CAB39: variants seen among roughly 807,000 people sequenced by gnomAD.
CAB39 encodes calcium binding protein 39, also known as calcium-binding protein 39.
A neutral mutation model predicts 40.0 loss-of-function variants in CAB39; 8 were observed. That is an observed-to-expected ratio of 0.20 (90% CI 0.12 to 0.36). The LOEUF (loss-of-function observed/expected upper bound fraction) is 0.36, where lower values mean the gene tolerates loss of function less well. Ranked by LOEUF, CAB39 falls within the 10% of genes least tolerant of loss-of-function variation. The probability of loss-of-function intolerance (pLI) is 1.00; values close to 1 mark genes in which losing one functional copy is unlikely to be tolerated. For synonymous variants in CAB39, 156 were observed against 141.6 expected, an observed-to-expected ratio of 1.10 and a Z score of -0.72; for missense variants, 270 against 401.1, an observed-to-expected ratio of 0.67 and a Z score of 2.79.
chr2:230,778,207 A>G (rs1236034984), intron 2 of CAB39, among the ~76,000 whole-genome samples: 1 of 152,230 alleles, frequency 6.6e-6, no homozygotes, highest in Non-Finnish European at 1.5e-5. Context: ...GGGACAGTGA[A>G]GAGGGCAGCC....
intron 1 of CAB39, among the ~76,000 whole-genome samples, chr2:230,726,170 A>T (rs1188626213): frequency 6.8e-6 from 1 of 148,148 alleles, no homozygotes; most frequent in Non-Finnish European, 1.5e-5. Context: ...AATTTAATTA[A>T]TTTTTTTTTT....
intron 1 of CAB39, among the ~76,000 whole-genome samples, chr2:230,754,350 T>G (rs56100781): frequency 1.8e-3 from 225 of 124,930 alleles, no homozygotes; most frequent in African/African-American, 4.8e-3. Context: ...CTCTTCTTCC[T>G]TCCTCTTCTT....
intron 1 of CAB39, among the ~76,000 whole-genome samples, chr2:230,736,363 G>A (rs558317003): frequency 2.4e-4 from 36 of 152,262 alleles, no homozygotes; most frequent in African/African-American, 8.2e-4. Context: ...TTAGGGATAT[G>A]TTTCCTTCTC....
At position 230,799,246 on chromosome 2, in the gene CAB39, A is replaced by G. The variant is rs558888755; in HGVS notation, c.567+349A>G. The G allele has an allele frequency of 1.7e-3, 309 of 182,174 alleles. 1 individual carries two copies. The highest frequency in any genetic ancestry group is 6.6e-3 in the African/African-American group (284 of 42,904). The allele number at this position is 182,174 out of a possible 1,614,324, so 11.3% of individuals were successfully genotyped here. A position where few individuals can be genotyped will look rare whatever the true frequency, so the allele number is the denominator to read the frequency against. ...AGCAGTTTCTTTGGTTAAGCACCAG[A>G]TGAAGTAGTTGGCTTCTGTTCAGGT... On this transcript the variant is annotated intron_variant, in intron 5 of 8. Transcript: ENST00000258418.
chr2:230,793,096 G>C, intron 3 of CAB39, 117 bp from the exon 4 acceptor site: 1 of 616,018 alleles, frequency 1.6e-6, no homozygotes, highest in Non-Finnish European at 3.0e-6. Context: ...ATGTGTTAAA[G>C]TCAGATATTC....
chr2:230,811,779 C>T (rs1696310446), intron 6 of CAB39, among the ~76,000 whole-genome samples: 1 of 152,248 alleles, frequency 6.6e-6, no homozygotes, highest in Non-Finnish European at 1.5e-5. Flanking sequence ...GTTCATTTAT[C>T]ATCACCACAA....
intron 4 of CAB39, 45 bp from the exon 5 acceptor site, chr2:230,798,684 A>G (rs772304687): frequency 6.5e-7 from 1 of 1,533,002 alleles, no homozygotes; most frequent in Non-Finnish European, 8.8e-7. Context: ...AGTTTTGAAA[A>G]AGCAATCATG....
Position 230,765,794 on chromosome 2 carries a change from G to T in CAB39, c.114+5679G>T, listed in dbSNP as rs1242200184. On this transcript the variant is annotated intron_variant, in intron 2 of 8. Coordinates refer to ENST00000258418, the MANE Select transcript of CAB39 (RefSeq NM_016289.4). ...GATGCTGTTAAACAGGGAATGAATAGCTCCCCACAACAAAGGGTTATCTAG... is the reference window on the plus strand; with the variant it reads ...GATGCTGTTAAACAGGGAATGAATATCTCCCCACAACAAAGGGTTATCTAG... Among the ~76,000 whole-genome samples the T allele has an allele frequency of 2.6e-5, 4 of 152,172 alleles. No homozygotes were observed. In the East Asian group the frequency reaches 7.7e-4, roughly 29 times the overall value.
At chr2:230,765,722 A>AATG (rs1695374258) in intron 2 of CAB39, among the ~76,000 whole-genome samples, 1 of 152,102 alleles carries the variant, frequency 6.6e-6, no homozygotes, top group Non-Finnish European at 1.5e-5. Context: ...TACAGGTTGT[A>AATG]ACACTAGGGG....
chr2:230,775,755 G>T (rs1285620302), intron 2 of CAB39, among the ~76,000 whole-genome samples: 1 of 152,098 alleles, frequency 6.6e-6, no homozygotes, highest in East Asian at 1.9e-4. Flanking sequence ...ATTATCTCTT[G>T]CAAGAGATCC....
At chr2:230,757,474 AATG>A (rs946960111) in intron 1 of CAB39, among the ~76,000 whole-genome samples, 8 of 152,174 alleles carry the variant, frequency 5.3e-5, no homozygotes, top group Admixed American at 5.2e-4. Context: ...AATTAACAGA[AATG>A]ATTATGTCAT....
chr2:230,766,924 A>AT (rs1223143573), intron 2 of CAB39, among the ~76,000 whole-genome samples: 24 of 152,348 alleles, frequency 1.6e-4, no homozygotes, highest in Admixed American at 4.6e-4. Context: ...AAAGTAGCTC[A>AT]TTCACTATAG....
At chr2:230,767,877 T>G (rs1695415355) in intron 2 of CAB39, among the ~76,000 whole-genome samples, 2 of 152,306 alleles carry the variant, frequency 1.3e-5, no homozygotes, top group South Asian at 4.1e-4. Flanking sequence ...TAGTGCTCTA[T>G]TTGGCTTACC....
At chr2:230,799,766 G>A (rs1178290008) in intron 5 of CAB39, among the ~76,000 whole-genome samples, 5 of 152,124 alleles carry the variant, frequency 3.3e-5, no homozygotes, top group African/African-American at 7.2e-5. Flanking sequence ...TGAGGCGGGC[G>A]GATGACCTGA....
chr2:230,769,378 G>C (rs1402063559), intron 2 of CAB39, among the ~76,000 whole-genome samples: 4 of 152,164 alleles, frequency 2.6e-5, no homozygotes, highest in Non-Finnish European at 5.9e-5. Context: ...GGATTTTCTA[G>C]GTAGACCAGA....
At chr2:230,801,384 C>G (rs1367077620) in intron 5 of CAB39, among the ~76,000 whole-genome samples, 1 of 152,212 alleles carries the variant, frequency 6.6e-6, no homozygotes, top group African/African-American at 2.4e-5. Flanking sequence ...CTGCTCCTCT[C>G]CTGTCTTGCT....
At chr2:230,733,799 A>G (rs1575907912) in intron 1 of CAB39, among the ~76,000 whole-genome samples, 4 of 152,362 alleles carry the variant, frequency 2.6e-5, no homozygotes, top group African/African-American at 9.6e-5. Flanking sequence ...TCCAAGGGAA[A>G]TACCAGGAGT....
intron 5 of CAB39, among the ~76,000 whole-genome samples, chr2:230,807,166 T>G (rs1328419577): frequency 2.0e-5 from 3 of 152,172 alleles, no homozygotes. Flanking sequence ...TTTGCAGGTC[T>G]GCATGCCCTT....
intron 2 of CAB39, among the ~76,000 whole-genome samples, chr2:230,774,240 C>T (rs1036862693): frequency 2.0e-5 from 3 of 152,168 alleles, no homozygotes; most frequent in African/African-American, 7.2e-5. Flanking sequence ...CTTGTGATCT[C>T]ACAGACAAAA....
Sources: allele counts gnomAD v4.1 joint callset (sites outside exome capture counted in the v4.1 genomes callset), GRCh38; gene constraint gnomAD v4.1.1; transcripts MANE v1.5; gene names NCBI Gene and HGNC (gene_info 2026-07-23, HGNC 2026-07-21).